The following AVIL variants were observed in gnomAD, a reference collection of about 807,000 sequenced individuals.
AVIL encodes the protein advillin.
In AVIL, 78 loss-of-function variants were observed where a neutral mutation model predicts 109.9. The observed-to-expected ratio is 0.71, with a 90% confidence interval of 0.59 to 0.86. The LOEUF (loss-of-function observed/expected upper bound fraction) is 0.86. Among genes scored for constraint, AVIL ranks in the 40% least tolerant of loss-of-function variants. AVIL has a pLI of 0.00. For synonymous variants in AVIL, 367 were observed against 379.1 expected, an observed-to-expected ratio of 0.97 and a Z score of 0.37; for missense variants, 892 against 1,016.5, an observed-to-expected ratio of 0.88 and a Z score of 1.67.
At chr12:57,801,056 T>G (rs2140437517) in intron 18 of AVIL, 88 bp downstream of exon 18, 1 of 1,101,816 alleles carries the variant, frequency 9.1e-7, no homozygotes, top group South Asian at 1.3e-5. Flanking sequence ...GGACATGAGT[T>G]TTGCCTGTGA....
At chr12:57,805,202 T>TG (rs1379886963) in intron 14 of AVIL, among the ~76,000 whole-genome samples, 2 of 147,714 alleles carry the variant, frequency 1.4e-5, no homozygotes, top group East Asian at 4.2e-4. Context: ...ACTACAGGCG[T>TG]GCACCACCAT....
At chr12:57,813,838 A>G (rs1301150272) in intron 3 of AVIL, among the ~76,000 whole-genome samples, 2 of 152,196 alleles carry the variant, frequency 1.3e-5, no homozygotes, top group Non-Finnish European at 2.9e-5. Context: ...GGCTAGAGAC[A>G]GGCCTTGCAT....
At chr12:57,802,871 C>A in intron 16 of AVIL, 1 of 543,100 alleles carries the variant, frequency 1.8e-6, no homozygotes, top group South Asian at 2.8e-5. Flanking sequence ...TATGTGGGCC[C>A]ACAGTAGCTC....
Position 57,797,809 on chromosome 12 carries a change from G to T in AVIL, c.*73C>A. The T allele has an allele frequency of 8.4e-7, 1 of 1,191,218 alleles. No homozygotes were observed. The highest frequency in any genetic ancestry group is 1.1e-6 in the Non-Finnish European group (1 of 872,358). 73.8% of individuals were successfully genotyped at this position (1,191,218 alleles called of 1,614,324 possible). A position where few individuals can be genotyped will look rare whatever the true frequency, so the allele number is the denominator to read the frequency against. On this transcript the variant is annotated 3_prime_UTR_variant, in exon 20 of 20. Coordinates refer to ENST00000549994, the MANE Select transcript of AVIL (RefSeq NM_006576.4). ...GCTGAATGTCAGGCAGAAATTGGTG[G>T]ATAAATTATTTCCTGATATTGGCAC...
chr12:57,799,792 C>T lies in AVIL; in HGVS notation c.2346+3G>A, dbSNP rs375330629. 1 of 1,613,768 alleles carries T rather than the reference C, an allele frequency of 6.2e-7. No individual in the cohort carries two copies. Among genetic ancestry groups the T allele is most frequent in the Non-Finnish European group, 8.5e-7 (1 of 1,180,020 alleles). On this transcript the variant is annotated splice_donor_region_variant and intron_variant, in intron 19 of 19. Transcript: ENST00000549994. ...AACAGACACAGTTCCTTCAGCCACT[C>T]ACCTCCTTTTTGGCAGGGTTTACAT...
At chr12:57,798,391 C>T (rs1315031406) in intron 19 of AVIL, among the ~76,000 whole-genome samples, 1 of 152,178 alleles carries the variant, frequency 6.6e-6, no homozygotes, top group Non-Finnish European at 1.5e-5. Context: ...TTTTCAAATG[C>T]ATGATCGGGT....
At chr12:57,811,214 A>G in intron 4 of AVIL, 87 bp from the exon 5 acceptor site, 2 of 1,253,988 alleles carry the variant, frequency 1.6e-6, no homozygotes, top group Non-Finnish European at 2.3e-6. Flanking sequence ...ATGCAGCCTC[A>G]CTCATGTGAT....
At chr12:57,816,878 CG>C (rs1956106765) in intron 1 of AVIL, among the ~76,000 whole-genome samples, 1 of 151,938 alleles carries the variant, frequency 6.6e-6, no homozygotes, top group Non-Finnish European at 1.5e-5. Context: ...GTCTGGCCTG[CG>C]GACAGATGGC....
intron 3 of AVIL, 118 bp from the exon 4 acceptor site, chr12:57,813,541 C>G (rs1038226821): frequency 4.0e-6 from 4 of 1,005,910 alleles, no homozygotes; most frequent in Non-Finnish European, 5.8e-6. Flanking sequence ...AGGGCCCTCT[C>G]TCCTGCAGTG....
Position 57,797,996 on chromosome 12 carries a change from C to A in AVIL, c.2347-1G>T. On this transcript the variant is annotated splice_acceptor_variant, in intron 19 of 19. Transcript: ENST00000549994. LOFTEE classifies it high-confidence loss of function. ...CAAAGTCCTGTTCAGAGAGGTAATTCTAAGAGAGAAAACAAAGTTTCTAGT... is the reference window on the plus strand; with the variant it reads ...CAAAGTCCTGTTCAGAGAGGTAATTATAAGAGAGAAAACAAAGTTTCTAGT... 1 of 1,591,058 alleles carries A rather than the reference C, an allele frequency of 6.3e-7. No individual in the cohort carries two copies. The highest frequency in any genetic ancestry group is 1.4e-5 in the African/African-American group (1 of 73,718).
intron 1 of AVIL, among the ~76,000 whole-genome samples, chr12:57,818,413 T>C: frequency 6.6e-6 from 1 of 152,056 alleles, no homozygotes. Context: ...GGGGTCTGTC[T>C]TTCCCAGCTT....
In AVIL at chr12:57,810,461, G is replaced by A. The variant is rs1196366512; in HGVS notation, c.649C>T (p.Pro217Ser). The change falls in exon 7 of 20, where the codon CCA (proline) becomes TCA (serine). Residue 217 changes from proline to serine, a missense_variant. Physicochemically the swap from Pro to Ser is moderately conservative, Grantham distance 74. Transcript: ENST00000549994. ...VIEGDKEAAS[P>S]ELMKVLQDTL... ...TCCTGAAGGACCTTCATCAGCTCTG[G>A]GCTGGCTGCCTCCTTGTCTCCCTCG... The A allele has an allele frequency of 6.2e-7, 1 of 1,614,142 alleles. No homozygotes were observed. Among genetic ancestry groups the A allele is most frequent in the South Asian group, 1.1e-5 (1 of 91,080 alleles).
intron 2 of AVIL, 38 bp from the exon 3 acceptor site, chr12:57,814,264 C>A: frequency 6.3e-7 from 1 of 1,577,512 alleles, no homozygotes; most frequent in South Asian, 1.1e-5. Flanking sequence ...TACATCCCCT[C>A]CCACCTCCCT....
Position 57,803,237 on chromosome 12 carries a change from T to C in AVIL, c.1962+10A>G. 6.2e-7 allele frequency: 1 copy of C among 1,613,946 alleles called. No homozygotes were observed. Among genetic ancestry groups the C allele is most frequent in the Non-Finnish European group, 8.5e-7 (1 of 1,179,898 alleles). On this transcript the variant is annotated intron_variant, in intron 16 of 19. Coordinates refer to ENST00000549994, the MANE Select transcript of AVIL (RefSeq NM_006576.4). ...TTTCTCATGTTCTGACTTCTGCAGCTGTGTCTTACCTGGTCCCAGGTATCT... is the reference window on the plus strand; with the variant it reads ...TTTCTCATGTTCTGACTTCTGCAGCCGTGTCTTACCTGGTCCCAGGTATCT...
intron 19 of AVIL, among the ~76,000 whole-genome samples, chr12:57,798,775 C>A (rs1425252576): frequency 6.6e-6 from 1 of 151,962 alleles, no homozygotes. Flanking sequence ...CACCACCACG[C>A]CTGGCTAATT....
At chr12:57,802,863 T>C (rs139034614) in intron 16 of AVIL, 34 of 552,000 alleles carry the variant, frequency 6.2e-5, no homozygotes, top group African/African-American at 5.6e-4. Context: ...ACTGCCCTTA[T>C]GTGGGCCCAC....
rs1327544398 is a variant in AVIL at position 57,805,624 on chromosome 12, A to G, written c.1671+736T>C. On this transcript the variant is annotated intron_variant, in intron 14 of 19. Coordinates refer to ENST00000549994, the MANE Select transcript of AVIL (RefSeq NM_006576.4). ...TCTCGGCTCACCGCAACCTCCGTCT[A>G]CTGGGTTCAAGCGATTCTCCTGCCT... Among the ~76,000 whole-genome samples the G allele has an allele frequency of 2.1e-5, 3 of 139,978 alleles. No homozygotes were observed. The Admixed American group carries it at 2.2e-4, about 10-fold the overall frequency. The allele number at this position is 139,978 out of a possible 152,430, so 91.8% of individuals were successfully genotyped here.
chr12:57,815,718 G>T (rs1185812941), intron 2 of AVIL: 5 of 1,396,856 alleles, frequency 3.6e-6, no homozygotes, highest in Non-Finnish European at 4.7e-6. Context: ...CACTGAGCAG[G>T]TGGCTGGCTA....
intron 7 of AVIL, 62 bp from the exon 8 acceptor site, chr12:57,809,952 G>A (rs1472982468): frequency 1.5e-5 from 23 of 1,559,620 alleles, no homozygotes; most frequent in Non-Finnish European, 1.9e-5. Flanking sequence ...TAGTCAACTA[G>A]ATGTTGTTCT....
Sources: gnomAD v4.1 joint callset for allele counts (sites outside exome capture counted in the v4.1 genomes callset) on GRCh38, gnomAD v4.1.1 for gene constraint, MANE v1.5 for transcripts, NCBI Gene and HGNC (gene_info 2026-07-23, HGNC 2026-07-21) for gene names.